The following DOCK2 variants were observed in gnomAD, a reference collection of about 807,000 sequenced individuals.
DOCK2 encodes the protein dedicator of cytokinesis 2, also known as dedicator of cytokinesis protein 2.
A neutral mutation model predicts 248.9 loss-of-function variants in DOCK2; 87 were observed. The ratio of observed to expected loss-of-function variants is 0.35; its 90% CI spans 0.29 to 0.42. DOCK2 has a LOEUF of 0.42. Ranked by LOEUF, DOCK2 falls within the 10% of genes least tolerant of loss-of-function variation. The pLI, the probability that DOCK2 is intolerant of heterozygous loss-of-function variation, is 1.00. For synonymous variants in DOCK2, 805 were observed against 821.6 expected, an observed-to-expected ratio of 0.98 and a Z score of 0.35; for missense variants, 1,747 against 2,300.2, an observed-to-expected ratio of 0.76 and a Z score of 4.92.
rs1761976641 is a variant in DOCK2, at chr5:169,717,642, T to A, written c.2132+158T>A. Among the ~76,000 whole-genome samples, 4 of 152,220 alleles carry A rather than the reference T, an allele frequency of 2.6e-5. No homozygotes were observed. In the South Asian group the frequency reaches 8.3e-4, roughly 31 times the overall value. On this transcript the variant is annotated intron_variant, in intron 21 of 51. Transcript: ENST00000520908. Reference sequence around the variant, plus strand: ...AACCTATGCTTGGGTTATTTGGATATCATTAAAAATGTGGAATACCCATAG... The same window carrying A: ...AACCTATGCTTGGGTTATTTGGATAACATTAAAAATGTGGAATACCCATAG...
At chr5:170,025,720 G>T (rs897953729) in intron 33 of DOCK2, among the ~76,000 whole-genome samples, 15 of 152,112 alleles carry the variant, frequency 9.9e-5, no homozygotes, top group Admixed American at 7.2e-4. Context: ...CAGACTGGCA[G>T]TCTAGACTCT....
chr5:169,730,970 C>A (rs1382517924), intron 22 of DOCK2, among the ~76,000 whole-genome samples: 2 of 152,070 alleles, frequency 1.3e-5, no homozygotes, highest in Non-Finnish European at 2.9e-5. Flanking sequence ...TAGCCTTGAA[C>A]TCCTGGGCTC....
At chr5:169,856,806 C>G (rs181848674) in intron 27 of DOCK2, among the ~76,000 whole-genome samples, 3 of 152,316 alleles carry the variant, frequency 2.0e-5, no homozygotes, top group Admixed American at 6.5e-5. Context: ...GAAGGCTTTT[C>G]TGTCAGCATA....
At chr5:169,658,724 A>G (rs1758270222) in intron 2 of DOCK2, among the ~76,000 whole-genome samples, 1 of 151,310 alleles carries the variant, frequency 6.6e-6, no homozygotes, top group African/African-American at 2.4e-5. Context: ...ATAATAGCAT[A>G]TATTAGTTTT....
intron 23 of DOCK2, 114 bp downstream of exon 23, chr5:169,747,618 C>T: frequency 1.2e-6 from 1 of 861,908 alleles, no homozygotes; most frequent in Non-Finnish European, 1.7e-6. Context: ...CAGTGAAGGC[C>T]TGGGCTGGCC....
intron 26 of DOCK2, among the ~76,000 whole-genome samples, chr5:169,812,179 G>T (rs188750545): frequency 1.3e-5 from 2 of 152,318 alleles, no homozygotes; most frequent in Non-Finnish European, 1.5e-5. Context: ...CAGTCACTCC[G>T]CATGGCTTGC....
intron 27 of DOCK2, among the ~76,000 whole-genome samples, chr5:169,977,921 C>A (rs1052419900): frequency 3.9e-5 from 6 of 152,112 alleles, no homozygotes; most frequent in African/African-American, 1.4e-4. Context: ...AGAATAAAAT[C>A]TGTTACATAA....
At chr5:169,785,934 C>T (rs529217699) in intron 25 of DOCK2, among the ~76,000 whole-genome samples, 4 of 152,192 alleles carry the variant, frequency 2.6e-5, no homozygotes, top group East Asian at 1.9e-4. Flanking sequence ...TAGAGTCAAA[C>T]GTTTGAAAAA....
At chr5:169,812,250 C>T (rs1485930849) in intron 26 of DOCK2, among the ~76,000 whole-genome samples, 6 of 152,172 alleles carry the variant, frequency 3.9e-5, no homozygotes, top group South Asian at 2.1e-4. Context: ...CATAGGAACG[C>T]GAACCCTATT....
intron 10 of DOCK2, among the ~76,000 whole-genome samples, chr5:169,696,763 A>G (rs964536223): frequency 4.0e-5 from 6 of 151,174 alleles, no homozygotes; most frequent in Non-Finnish European, 8.8e-5. Flanking sequence ...TTACTCTCCA[A>G]CTAGTCCCCT....
intron 25 of DOCK2, among the ~76,000 whole-genome samples, chr5:169,769,160 A>G (rs1023894355): frequency 9.9e-5 from 15 of 152,230 alleles, no homozygotes; most frequent in South Asian, 4.1e-4. Context: ...GCAACTTAAA[A>G]ATTTCAATAC....
intron 27 of DOCK2, among the ~76,000 whole-genome samples, chr5:169,953,332 CAAAAA>C (rs576183648): frequency 8.1e-6 from 1 of 123,504 alleles, no homozygotes; most frequent in Non-Finnish European, 1.7e-5. Flanking sequence ...GACTCTATCT[CAAAAA>C]AAAAAAAAAA....
In DOCK2 at chr5:169,763,709, A is replaced by G. The variant is rs1764614182; in HGVS notation, c.2554+2084A>G. Among the ~76,000 whole-genome samples, 1 of 152,232 alleles carries G rather than the reference A, an allele frequency of 6.6e-6. No individual in the cohort carries two copies. Among genetic ancestry groups the G allele is most frequent in the South Asian group, 2.1e-4 (1 of 4,832 alleles). ...AACCCTCTGATTAATATTAACTGAC[A>G]GAAGGCCAGCCCTGGCGTTGTACAC... On this transcript the variant is annotated intron_variant, in intron 25 of 51. Transcript: ENST00000520908. This position sits in a 1 kb window ranked among gnomAD's most constrained non-coding sequence, Gnocchi z 4.1.
intron 8 of DOCK2, among the ~76,000 whole-genome samples, chr5:169,688,434 A>C (rs988372611): frequency 7.9e-5 from 12 of 152,170 alleles, no homozygotes; most frequent in Non-Finnish European, 1.6e-4. Flanking sequence ...CTTTTCCTTT[A>C]TACAGCCTGA....
intron 2 of DOCK2, among the ~76,000 whole-genome samples, chr5:169,669,043 C>T (rs1175482602): frequency 6.6e-6 from 1 of 152,064 alleles, no homozygotes; most frequent in East Asian, 1.9e-4. Context: ...ACTACTGGGG[C>T]TCCTGATTTT....
At chr5:169,797,836 G>A (rs1004759429) in intron 25 of DOCK2, among the ~76,000 whole-genome samples, 1 of 152,138 alleles carries the variant, frequency 6.6e-6, no homozygotes, top group African/African-American at 2.4e-5. Flanking sequence ...CAGCAATTTG[G>A]AAATGCTGCT....
chr5:169,922,604 T>G (rs1775235085), intron 27 of DOCK2, among the ~76,000 whole-genome samples: 1 of 152,244 alleles, frequency 6.6e-6, no homozygotes, highest in African/African-American at 2.4e-5. Context: ...TCACCTACAT[T>G]ATCTTTCTAA....
chr5:169,931,956 CTG>C (rs530996276), intron 27 of DOCK2, among the ~76,000 whole-genome samples: 9 of 152,320 alleles, frequency 5.9e-5, no homozygotes, highest in African/African-American at 2.2e-4. Flanking sequence ...ACAAATACCT[CTG>C]GAGCCTGCTG....
At chr5:169,748,336 A>G (rs1374367845) in intron 23 of DOCK2, among the ~76,000 whole-genome samples, 1 of 152,194 alleles carries the variant, frequency 6.6e-6, no homozygotes, top group Non-Finnish European at 1.5e-5. Flanking sequence ...TTCTCATGCT[A>G]TGGGTCCAGA....
Sources: allele counts gnomAD v4.1 joint callset (sites outside exome capture counted in the v4.1 genomes callset), GRCh38; gene constraint gnomAD v4.1.1; non-coding constraint Gnocchi (gnomAD v3.1); transcripts MANE v1.5; gene names NCBI Gene and HGNC (gene_info 2026-07-23, HGNC 2026-07-21).